The following PTPRM variants were observed in gnomAD, a reference collection of about 807,000 sequenced individuals.
PTPRM encodes protein tyrosine phosphatase receptor type M, also known as receptor-type tyrosine-protein phosphatase mu.
PTPRM carries 47 observed loss-of-function variants against 186.7 expected under a neutral mutation model. The ratio of observed to expected loss-of-function variants is 0.25; its 90% CI spans 0.20 to 0.32. The LOEUF is 0.32. Among genes scored for constraint, PTPRM ranks in the 10% least tolerant of loss-of-function variants. The pLI, the probability that PTPRM is intolerant of heterozygous loss-of-function variation, is 1.00. For missense variants in PTPRM, 1,494 were observed against 1,865.0 expected (o/e 0.80, Z 3.66); for synonymous variants, 668 against 674.9 (o/e 0.99, Z 0.16).
intron 22 of PTPRM, among the ~76,000 whole-genome samples, chr18:8,339,220 G>T (rs1210723559): frequency 1.3e-5 from 2 of 150,676 alleles, no homozygotes; most frequent in Non-Finnish European, 3.0e-5. Flanking sequence ...TCCCTTTGGG[G>T]CTTGGTGGTG....
rs199812606 is a variant in PTPRM, at chr18:8,107,306, A to C, written c.1857-6180A>C. ...AATGTGGTGCCTGTTGTGAAGATTA[A>C]TGATAGGTGGCCTTTTACAGAGCTT... On this transcript the variant is annotated intron_variant, in intron 11 of 32. Coordinates refer to ENST00000580170, the MANE Select transcript of PTPRM (RefSeq NM_001105244.2). 2.9e-4 allele frequency among the ~76,000 whole-genome samples: 44 copies of C among 152,294 alleles called. No homozygotes were observed. In the East Asian group the frequency reaches 6.6e-3, roughly 23 times the overall value.
intron 1 of PTPRM, chr18:7,754,704 C>T (rs1301267885): frequency 6.6e-6 from 1 of 152,182 alleles, no homozygotes; most frequent in Non-Finnish European, 1.5e-5. Context: ...AAGAAATAAG[C>T]ATCAGGAGTG....
intron 2 of PTPRM, among the ~76,000 whole-genome samples, chr18:7,841,425 G>C (rs960664704): frequency 1.3e-5 from 2 of 151,412 alleles, no homozygotes; most frequent in African/African-American, 4.9e-5. Flanking sequence ...CTGAGTAGCT[G>C]GGACTACAGG....
intron 11 of PTPRM, among the ~76,000 whole-genome samples, chr18:8,106,532 A>G (rs1289368949): frequency 6.6e-6 from 1 of 152,122 alleles, no homozygotes. Context: ...CCCTTATCAG[A>G]TCCTTGGCAT....
intron 7 of PTPRM, among the ~76,000 whole-genome samples, chr18:8,020,732 A>G (rs981038464): frequency 5.9e-5 from 9 of 152,212 alleles, no homozygotes; most frequent in South Asian, 2.1e-4. Context: ...TTCTCCCACA[A>G]TTGTTTGACA....
intron 1 of PTPRM, among the ~76,000 whole-genome samples, chr18:7,582,854 T>G (rs560415609): frequency 6.6e-6 from 1 of 152,332 alleles, no homozygotes; most frequent in South Asian, 2.1e-4. Context: ...ATATGAATTT[T>G]TTTCAATCCC....
Position 8,401,656 on chromosome 18 carries a change from G to A in PTPRM, c.4345-4453G>A, listed in dbSNP as rs567734746. ...GGTGTTTGAAGTGCCCACGCTGGCC[G>A]CCAGCCTGAGTTCCTTAGACACAGG... On this transcript the variant is annotated intron_variant, in intron 32 of 32. Transcript: ENST00000580170. Among the ~76,000 whole-genome samples the A allele has an allele frequency of 1.1e-4, 16 of 152,344 alleles. 1 individual carries two copies. The highest frequency in any genetic ancestry group is 3.8e-4 in the African/African-American group (16 of 41,576).
At chr18:7,569,755 A>G (rs896104745) in intron 1 of PTPRM, among the ~76,000 whole-genome samples, 2 of 152,240 alleles carry the variant, frequency 1.3e-5, no homozygotes, top group African/African-American at 4.8e-5. Flanking sequence ...GTTAAGGCTG[A>G]TGTAAATGAT....
intron 13 of PTPRM, among the ~76,000 whole-genome samples, chr18:8,140,428 A>G (rs1010721924): frequency 7.8e-5 from 9 of 115,068 alleles, no homozygotes; most frequent in African/African-American, 3.1e-4. Flanking sequence ...TAATCATTCC[A>G]TTTGTTTTGA....
At chr18:7,874,449 G>A (rs1599208349) in intron 2 of PTPRM, among the ~76,000 whole-genome samples, 1 of 152,038 alleles carries the variant, frequency 6.6e-6, no homozygotes, top group Non-Finnish European at 1.5e-5. Context: ...CTAATATACA[G>A]TTATTTCCCT....
intron 7 of PTPRM, among the ~76,000 whole-genome samples, chr18:8,044,595 A>G (rs1308149737): frequency 6.6e-6 from 1 of 151,936 alleles, no homozygotes; most frequent in Admixed American, 6.6e-5. Flanking sequence ...CATCTCTACT[A>G]AAAATACAAA....
chr18:7,850,110 G>C (rs2046792833), intron 2 of PTPRM, among the ~76,000 whole-genome samples: 2 of 152,178 alleles, frequency 1.3e-5, no homozygotes, highest in African/African-American at 2.4e-5. Context: ...GTGATCTTCA[G>C]ATGTGGGTGA....
intron 20 of PTPRM, among the ~76,000 whole-genome samples, chr18:8,311,966 CTGACGAGGGG>C (rs1230585466): frequency 1.3e-5 from 2 of 152,186 alleles, no homozygotes; most frequent in East Asian, 3.9e-4. Flanking sequence ...AGACAGGAAT[CTGACGAGGGG>C]GTACAACAGA....
chr18:8,371,742 C>G (rs183746934), intron 24 of PTPRM: 2 of 152,798 alleles, frequency 1.3e-5, no homozygotes, highest in South Asian at 2.1e-4. Context: ...CTTATTCCCC[C>G]TCTTTCTGCT....
chr18:7,895,196 T>A (rs2049291083), intron 3 of PTPRM, among the ~76,000 whole-genome samples: 3 of 150,366 alleles, frequency 2.0e-5, no homozygotes, highest in Admixed American at 6.7e-5. Flanking sequence ...GGGTGGGGGG[T>A]AGTGATTAGG....
At chr18:8,385,768 T>C (rs1568881249) in intron 30 of PTPRM, among the ~76,000 whole-genome samples, 2 of 152,150 alleles carry the variant, frequency 1.3e-5, no homozygotes, top group Admixed American at 1.3e-4. Flanking sequence ...AAAAATCCAA[T>C]GGTGTAATTT....
rs143233200 is a variant in PTPRM, at chr18:7,711,577, C to T, written c.74-62572C>T. Among the ~76,000 whole-genome samples, 1,500 of 152,332 alleles carry T rather than the reference C, an allele frequency of 9.8e-3. 26 individuals are homozygous for T. The highest frequency in any genetic ancestry group is 0.034 in the African/African-American group (1,431 of 41,570). ...CCACAGAGCCCAGCAAGCTAAGATC[C>T]ACTGGCTTGAAATTCTTGCTGCCAG... On this transcript the variant is annotated intron_variant, in intron 1 of 32. Transcript: ENST00000580170.
At chr18:7,688,929 A>G (rs1413522370) in intron 1 of PTPRM, among the ~76,000 whole-genome samples, 1 of 152,114 alleles carries the variant, frequency 6.6e-6, no homozygotes, top group Non-Finnish European at 1.5e-5. Flanking sequence ...AGCCCTGGTG[A>G]CTGTGAGGGA....
intron 2 of PTPRM, among the ~76,000 whole-genome samples, chr18:7,813,944 GTCTA>G (rs1335379070): frequency 1.3e-5 from 2 of 152,044 alleles, no homozygotes; most frequent in Non-Finnish European, 2.9e-5. Flanking sequence ...TAACATGGTA[GTCTA>G]TCTATTTTCA....
Sources: allele counts gnomAD v4.1 joint callset (sites outside exome capture counted in the v4.1 genomes callset), GRCh38; gene constraint gnomAD v4.1.1; transcripts MANE v1.5; gene names NCBI Gene and HGNC (gene_info 2026-07-23, HGNC 2026-07-21).